CSMD1: variants seen among roughly 807,000 people sequenced by gnomAD.
CSMD1 encodes CUB and sushi domain-containing protein 1.
Under a neutral mutation model 417.5 loss-of-function variants are expected in CSMD1, and 213 were observed. The observed-to-expected ratio is 0.51, with a 90% CI of 0.46 to 0.57. The LOEUF (loss-of-function observed/expected upper bound fraction) is 0.57, where lower values mean the gene tolerates loss of function less well. CSMD1 is among the 20% of genes least tolerant of loss of function. The pLI is 0.00. For missense variants in CSMD1, 6,923 were observed against 4,529.7 expected, an observed-to-expected ratio of 1.53 and a Z score of -15.17; for synonymous variants, 2,862 against 1,736.8, an observed-to-expected ratio of 1.65 and a Z score of -16.11.
intron 5 of CSMD1, among the ~76,000 whole-genome samples, chr8:3,754,407 T>C (rs989169167): frequency 6.6e-6 from 1 of 151,256 alleles, no homozygotes; most frequent in African/African-American, 2.4e-5. Flanking sequence ...AATTCTGTGT[T>C]TCACAATTTG....
At chr8:3,354,603 C>T (rs190905490) in intron 21 of CSMD1, among the ~76,000 whole-genome samples, 6 of 152,084 alleles carry the variant, frequency 3.9e-5, no homozygotes, top group East Asian at 3.9e-4. Context: ...AAGAATTTCA[C>T]AAAATGGTAC....
chr8:4,120,478 T>C (rs4875282), intron 3 of CSMD1, among the ~76,000 whole-genome samples: 150,596 of 152,260 alleles, frequency 0.99, 74,498 homozygotes, highest in Non-Finnish European at 1. Context: ...CTCACACAAA[T>C]GCTAGAAGAA....
chr8:3,557,960 G>T (rs1799229476), intron 10 of CSMD1, among the ~76,000 whole-genome samples: 1 of 152,098 alleles, frequency 6.6e-6, no homozygotes, highest in Admixed American at 6.6e-5. Flanking sequence ...TGGAATGTGT[G>T]CTACTACTCC....
intron 2 of CSMD1, among the ~76,000 whole-genome samples, chr8:4,496,100 T>C (rs1801963823): frequency 6.6e-6 from 1 of 152,216 alleles, no homozygotes; most frequent in Non-Finnish European, 1.5e-5. Context: ...TTGGCATACA[T>C]GAGCTAAGTT....
chr8:4,362,502 G>C (rs910506036), intron 3 of CSMD1, among the ~76,000 whole-genome samples: 5 of 152,126 alleles, frequency 3.3e-5, no homozygotes, highest in African/African-American at 1.2e-4. Flanking sequence ...TTCCTCATTT[G>C]TCTGCTTAAT....
intron 12 of CSMD1, among the ~76,000 whole-genome samples, chr8:3,427,960 G>A (rs1307807978): frequency 6.6e-6 from 1 of 152,100 alleles, no homozygotes; most frequent in Admixed American, 6.5e-5. Context: ...ATAAGGTAAA[G>A]GAATTTTGAA....
intron 1 of CSMD1, among the ~76,000 whole-genome samples, chr8:4,641,918 G>C (rs145005877): frequency 8.0e-4 from 122 of 152,276 alleles, no homozygotes; most frequent in African/African-American, 2.9e-3. Context: ...TATTACCAAA[G>C]ATAATTATTG....
intron 3 of CSMD1, among the ~76,000 whole-genome samples, chr8:4,265,206 T>G (rs1431641173): frequency 6.6e-6 from 1 of 151,732 alleles, no homozygotes; most frequent in Non-Finnish European, 1.5e-5. Context: ...GTAACAGTAT[T>G]TAAAAATTAT....
chr8:2,995,820 T>A (rs1451579159), intron 54 of CSMD1, among the ~76,000 whole-genome samples: 1 of 152,220 alleles, frequency 6.6e-6, no homozygotes, highest in Non-Finnish European at 1.5e-5. Context: ...CCACATGATT[T>A]CATTCATTTA....
chr8:3,320,873 C>T (rs888949196), intron 23 of CSMD1, among the ~76,000 whole-genome samples: 1 of 152,214 alleles, frequency 6.6e-6, no homozygotes, highest in Non-Finnish European at 1.5e-5. Flanking sequence ...TTGCCGCACA[C>T]TTTTGCCCCT....
intron 7 of CSMD1, among the ~76,000 whole-genome samples, chr8:3,643,300 C>G (rs978651929): frequency 6.6e-6 from 1 of 151,504 alleles, no homozygotes; most frequent in African/African-American, 2.4e-5. Flanking sequence ...AAAGGAGGGA[C>G]GGGCAAAGAA....
chr8:4,687,084 G>A (rs1806437193), intron 1 of CSMD1, among the ~76,000 whole-genome samples: 1 of 152,208 alleles, frequency 6.6e-6, no homozygotes, highest in Non-Finnish European at 1.5e-5. Flanking sequence ...GCCGGCCCCT[G>A]TGCAGGCTAA....
At chr8:4,680,693 C>T (rs1355694759) in intron 1 of CSMD1, among the ~76,000 whole-genome samples, 1 of 152,102 alleles carries the variant, frequency 6.6e-6, no homozygotes, top group African/African-American at 2.4e-5. Flanking sequence ...GACTCTCCCG[C>T]CTCAGCCTCC....
At chr8:4,745,069 G>C (rs1253387314) in intron 1 of CSMD1, among the ~76,000 whole-genome samples, 2 of 151,818 alleles carry the variant, frequency 1.3e-5, no homozygotes, top group Admixed American at 6.6e-5. Flanking sequence ...TTTAGTTTTT[G>C]GTCAATAAAA....
At chr8:3,122,392 T>A (rs569112105) in intron 41 of CSMD1, among the ~76,000 whole-genome samples, 1 of 152,208 alleles carries the variant, frequency 6.6e-6, no homozygotes, top group East Asian at 1.9e-4. Context: ...TTACTATAGA[T>A]CAATAAACCT....
intron 1 of CSMD1, among the ~76,000 whole-genome samples, chr8:4,870,308 C>A (rs983596766): frequency 6.6e-6 from 1 of 152,034 alleles, no homozygotes; most frequent in African/African-American, 2.4e-5. Flanking sequence ...ACAGAAAGAC[C>A]CACATCACTT....
At chr8:3,657,759 G>A (rs910955547) in intron 7 of CSMD1, among the ~76,000 whole-genome samples, 1 of 152,038 alleles carries the variant, frequency 6.6e-6, no homozygotes, top group South Asian at 2.1e-4. Flanking sequence ...ATGGGTTGAT[G>A]GGCACAGCAA....
At chr8:3,450,556 G>T (rs988604222) in intron 12 of CSMD1, among the ~76,000 whole-genome samples, 1 of 148,214 alleles carries the variant, frequency 6.7e-6, no homozygotes, top group Non-Finnish European at 1.5e-5. Flanking sequence ...ATGAGAACAT[G>T]CAGTGTTTGT....
At chr8:4,230,627 A>G (rs1026931028) in intron 3 of CSMD1, among the ~76,000 whole-genome samples, 2 of 152,166 alleles carry the variant, frequency 1.3e-5, no homozygotes, top group Admixed American at 1.3e-4. Flanking sequence ...TTAAACCCCC[A>G]AATTTGTGAC....
Sources: gnomAD v4.1 joint callset for allele counts (sites outside exome capture counted in the v4.1 genomes callset) on GRCh38, gnomAD v4.1.1 for gene constraint, MANE v1.5 for transcripts, NCBI Gene and HGNC (gene_info 2026-07-23, HGNC 2026-07-21) for gene names.